Variants in KDM3B observed in about 807,000 individuals in gnomAD.
KDM3B encodes lysine demethylase 3B, also known as lysine-specific demethylase 3B.
In KDM3B, 10 loss-of-function variants were observed where a neutral mutation model predicts 170.0. The observed-to-expected ratio is 0.06, with a 90% CI of 0.04 to 0.10. The LOEUF is 0.10. KDM3B is among the 10% of genes least tolerant of loss of function. The pLI is 1.00. For missense variants in KDM3B, 1,394 were observed against 2,195.2 expected (o/e 0.64, Z 7.29); for synonymous variants, 831 against 834.8 (o/e 1.00, Z 0.08).
intron 11 of KDM3B, among the ~76,000 whole-genome samples, chr5:138,412,801 T>A: frequency 6.6e-6 from 1 of 152,068 alleles, no homozygotes; most frequent in Non-Finnish European, 1.5e-5. Flanking sequence ...TTTGTTATTG[T>A]TGTTCTGTTT....
intron 3 of KDM3B, among the ~76,000 whole-genome samples, chr5:138,376,917 G>A (rs1386151990): frequency 2.6e-5 from 4 of 152,104 alleles, no homozygotes; most frequent in African/African-American, 9.7e-5. Flanking sequence ...TTAGGGAAAT[G>A]TATTTATTTT....
chr5:138,398,325 T>C lies in KDM3B; in HGVS notation c.2979T>C (p.Asn993=). The change falls in exon 10 of 24, where the codon AAT becomes AAC. Residue 993 remains asparagine (N), a synonymous_variant. Transcript: ENST00000314358. The part of the protein sequence containing the change: ...DLETSKYILA[N]VGDQFCQLVM... The stretch of plus-strand genomic sequence containing the variant: ...AGACCTCAAAATACATCCTGGCCAA[T>C]GTTGGGGACCAGTTCTGCCAGCTCG... The C allele has an allele frequency of 6.2e-7, 1 of 1,614,096 alleles. No individual in the cohort carries two copies.
intron 9 of KDM3B, among the ~76,000 whole-genome samples, 161 bp downstream of exon 9, chr5:138,393,533 T>C (rs981928618): frequency 6.6e-6 from 1 of 152,248 alleles, no homozygotes; most frequent in Non-Finnish European, 1.5e-5. Context: ...TAGTAGTCAC[T>C]TAGTTGTTTG....
At position 138,352,963 on chromosome 5, in the gene KDM3B, C is replaced by T. The variant is rs1481110054; in HGVS notation, c.168C>T (p.Ser56=). ...AWRAGTVRAM[S]GAVPQDLAIF... ...GGGCCGGCACGGTGCGGGCCATGAGCGGGGCGGTGCCCCAGGACCTAGCGG... is the reference window on the plus strand; with the variant it reads ...GGGCCGGCACGGTGCGGGCCATGAGTGGGGCGGTGCCCCAGGACCTAGCGG... Residue 56 remains serine, a synonymous_variant, in exon 1 of 24, where the codon AGC becomes AGT. Coordinates refer to ENST00000314358, the MANE Select transcript of KDM3B (RefSeq NM_016604.4). 2 of 1,246,986 alleles carry T rather than the reference C, an allele frequency of 1.6e-6. No homozygotes were observed. Among genetic ancestry groups the T allele is most frequent in the Non-Finnish European group, 2.0e-6 (2 of 997,818 alleles). The allele number at this position is 1,246,986 out of a possible 1,614,324, so 77.2% of individuals were successfully genotyped here. A position where few individuals can be genotyped will look rare whatever the true frequency, so the allele number is the denominator to read the frequency against.
At chr5:138,363,312 G>A (rs1761661574) in intron 1 of KDM3B, among the ~76,000 whole-genome samples, 1 of 152,134 alleles carries the variant, frequency 6.6e-6, no homozygotes, top group South Asian at 2.1e-4. Flanking sequence ...TGGCCCCGTT[G>A]TCTTTATAAT....
At chr5:138,365,187 A>G (rs1226245616) in intron 1 of KDM3B, among the ~76,000 whole-genome samples, 2 of 152,132 alleles carry the variant, frequency 1.3e-5, no homozygotes, top group African/African-American at 4.8e-5. Flanking sequence ...CCATCTCACA[A>G]TCATCACCAT....
intron 7 of KDM3B, among the ~76,000 whole-genome samples, chr5:138,388,653 A>AAAC (rs1762347270): frequency 6.9e-6 from 1 of 144,300 alleles, no homozygotes. Flanking sequence ...AAAAAAAAAA[A>AAAC]AAAAAAAAAA....
At chr5:138,425,812 C>A in intron 17 of KDM3B, 1 of 360,906 alleles carries the variant, frequency 2.8e-6, no homozygotes, top group Non-Finnish European at 5.1e-6. Context: ...TCAAGACCAG[C>A]CTGGCCAACT....
At chr5:138,374,379 C>A (rs559935197) in intron 2 of KDM3B, 1 of 378,872 alleles carries the variant, frequency 2.6e-6, no homozygotes, top group Non-Finnish European at 5.4e-6. Flanking sequence ...CTGCCTCAGC[C>A]TCCCGAGTAA....
At chr5:138,372,501 C>G (rs1004831080) in intron 1 of KDM3B, among the ~76,000 whole-genome samples, 173 bp from the exon 2 acceptor site, 3 of 152,184 alleles carry the variant, frequency 2.0e-5, no homozygotes, top group Non-Finnish European at 2.9e-5. Context: ...GTGGCTGAGA[C>G]CAGCTTCCTG....
intron 1 of KDM3B, among the ~76,000 whole-genome samples, chr5:138,370,842 C>T (rs1761855972): frequency 6.6e-6 from 1 of 150,710 alleles, no homozygotes; most frequent in Admixed American, 6.6e-5. Context: ...GAGTTTTGCT[C>T]TTGTTGCCCA....
In KDM3B at chr5:138,435,717, A is replaced by G. The variant is rs892002454; in HGVS notation, c.*17A>G. On this transcript the variant is annotated 3_prime_UTR_variant, in exon 24 of 24. Transcript: ENST00000314358. The stretch of plus-strand genomic sequence containing the variant: ...AGGTCCTAGGCATGGAGAAACTCCA[A>G]GCTCCTCTGTGAAGCAGGTCTTTCA... The G allele has an allele frequency of 1.9e-6, 3 of 1,595,632 alleles. No individual in the cohort carries two copies. Among genetic ancestry groups the G allele is most frequent in the African/African-American group, 1.3e-5 (1 of 74,554 alleles).
intron 8 of KDM3B, 65 bp from the exon 9 acceptor site, chr5:138,393,105 AG>A (rs1762474289): frequency 5.5e-6 from 8 of 1,465,336 alleles, no homozygotes; most frequent in Admixed American, 3.4e-5. Flanking sequence ...TGTCCCCAAA[AG>A]AATCATGCTA....
chr5:138,386,607 C>A lies in KDM3B; in HGVS notation c.1366C>A (p.Gln456Lys), dbSNP rs1561770062. The change falls in exon 7 of 24, where the codon CAG becomes AAG. Residue 456 changes from glutamine (Q) to lysine (K), a missense_variant. Transcript: ENST00000314358. ...VPEKQKGSRS[Q>K]ASGENSRNSI... is the part of the protein sequence containing the mutation. ...AGAAAAACAGAAAGGCAGCCGGTCGCAGGCCTCGGGAGAGGTGAGTTACTT... is the reference window on the plus strand; with the variant it reads ...AGAAAAACAGAAAGGCAGCCGGTCGAAGGCCTCGGGAGAGGTGAGTTACTT... 1.9e-6 allele frequency: 3 copies of A among 1,612,316 alleles called. No homozygotes were observed. Among genetic ancestry groups the A allele is most frequent in the Non-Finnish European group, 2.5e-6 (3 of 1,178,468 alleles).
At chr5:138,421,481 A>G (rs1299078519) in intron 15 of KDM3B, among the ~76,000 whole-genome samples, 1 of 152,144 alleles carries the variant, frequency 6.6e-6, no homozygotes, top group African/African-American at 2.4e-5. Flanking sequence ...AAATCCTTTC[A>G]AATTTGATCT....
chr5:138,419,700 T>C (rs1277899030), intron 14 of KDM3B, among the ~76,000 whole-genome samples: 28 of 124,078 alleles, frequency 2.3e-4, no homozygotes, highest in African/African-American at 5.7e-4. Flanking sequence ...CATATATATA[T>C]ACACACACAC....
At chr5:138,413,872 G>T (rs961715825) in intron 11 of KDM3B, among the ~76,000 whole-genome samples, 1 of 152,030 alleles carries the variant, frequency 6.6e-6, no homozygotes, top group Non-Finnish European at 1.5e-5. Flanking sequence ...GCCCACCTCA[G>T]CCTCCCAAAG....
At chr5:138,434,480 G>A (rs866598373) in intron 23 of KDM3B, among the ~76,000 whole-genome samples, 6 of 151,540 alleles carry the variant, frequency 4.0e-5, no homozygotes, top group South Asian at 4.2e-4. Flanking sequence ...CCCAGGAGGC[G>A]GAGGTTGCAG....
intron 14 of KDM3B, 97 bp from the exon 15 acceptor site, chr5:138,420,609 A>C: frequency 3.0e-6 from 4 of 1,343,444 alleles, no homozygotes; most frequent in Non-Finnish European, 4.2e-6. Context: ...AAAGGAGAGA[A>C]TCTTTCCTCC....
Sources: allele counts gnomAD v4.1 joint callset (sites outside exome capture counted in the v4.1 genomes callset), GRCh38; gene constraint gnomAD v4.1.1; transcripts MANE v1.5; gene names NCBI Gene and HGNC (gene_info 2026-07-23, HGNC 2026-07-21).